SETD2: variants seen among roughly 807,000 people sequenced by gnomAD.
SETD2 encodes the protein histone-lysine N-methyltransferase SETD2.
In SETD2, 31 loss-of-function variants were observed where a neutral mutation model predicts 242.1. That is an observed-to-expected ratio of 0.13 (90% CI 0.10 to 0.17). SETD2 has a LOEUF of 0.17. Among genes scored for constraint, SETD2 ranks in the 10% least tolerant of loss-of-function variants. The pLI, the probability that SETD2 is intolerant of heterozygous loss-of-function variation, is 1.00. For synonymous variants in SETD2, 1,006 were observed against 1,066.5 expected, an observed-to-expected ratio of 0.94 and a Z score of 1.11; for missense variants, 2,481 against 3,046.3, an observed-to-expected ratio of 0.81 and a Z score of 4.37.
At chr3:47,098,182 A>G in intron 8 of SETD2, 101 bp from the exon 9 acceptor site, 1 of 1,186,760 alleles carries the variant, frequency 8.4e-7, no homozygotes. Context: ...ACAAAATCAA[A>G]CAAACAAAAA....
chr3:47,092,730 G>C (rs1404445619), intron 9 of SETD2, among the ~76,000 whole-genome samples: 1 of 151,888 alleles, frequency 6.6e-6, no homozygotes, highest in Non-Finnish European at 1.5e-5. Flanking sequence ...ACAGTATGCA[G>C]AATACACATA....
intron 15 of SETD2, among the ~76,000 whole-genome samples, chr3:47,053,471 T>C (rs77404283): frequency 3.7e-4 from 57 of 152,298 alleles, no homozygotes; most frequent in Admixed American, 1.1e-3. Flanking sequence ...TGAGAGTAAG[T>C]CACTTATTAG....
At chr3:47,119,500 A>G (rs532669761) in intron 3 of SETD2, 1 of 167,862 alleles carries the variant, frequency 6.0e-6, no homozygotes, top group Non-Finnish European at 1.3e-5. Context: ...TGAGGAGGTA[A>G]CTGAATCATG....
At chr3:47,096,560 A>G in intron 9 of SETD2, among the ~76,000 whole-genome samples, 1 of 136,632 alleles carries the variant, frequency 7.3e-6, no homozygotes, top group Non-Finnish European at 1.5e-5. Flanking sequence ...CAACAGAATG[A>G]GATTTTGCCT....
intron 9 of SETD2, among the ~76,000 whole-genome samples, chr3:47,096,598 G>T (rs1362922458): frequency 9.6e-5 from 2 of 20,852 alleles, no homozygotes; most frequent in South Asian, 2.5e-3. Context: ...AAAAAAAAAG[G>T]GGGGCTGGGC....
At chr3:47,086,116 A>T in intron 11 of SETD2, 79 bp downstream of exon 11, 1 of 1,476,448 alleles carries the variant, frequency 6.8e-7, no homozygotes, top group Non-Finnish European at 9.4e-7. Flanking sequence ...ATTCATAATT[A>T]CTGATATTAT....
At chr3:47,126,707 A>C in intron 1 of SETD2, 44 bp from the exon 2 acceptor site, 2 of 1,121,930 alleles carry the variant, frequency 1.8e-6, no homozygotes, top group Non-Finnish European at 2.6e-6. Flanking sequence ...AATAAAAAGA[A>C]ATCATAAATA....
intron 13 of SETD2, among the ~76,000 whole-genome samples, chr3:47,062,676 C>T (rs1048115787): frequency 1.4e-4 from 21 of 152,202 alleles, no homozygotes; most frequent in African/African-American, 5.1e-4. Context: ...AGGCAGTTTA[C>T]TTGCCAGTTC....
In SETD2 at chr3:47,120,599, C is replaced by G. The variant is rs780288575; in HGVS notation, c.4037G>C (p.Gly1346Ala). The change falls in exon 3 of 21, where the codon GGA (glycine) becomes GCA (alanine). Residue 1346 changes from glycine to alanine, a missense_variant. By Grantham distance (60) the Gly-to-Ala change is moderately conservative (BLOSUM62 0). Around this residue, in one of 17 missense-constraint regions of SETD2, gnomAD observed 1,300 missense variants for 1,259.2 expected, o/e 1.03. Transcript: ENST00000409792. ...ATCGGACTGGTCTGAAAAATGGGAT[C>G]CATCCTGTTGATCCCAATTCTCCTC... ...EEEENWDQQD[G>A]SHFSDQSDKF... 1.9e-6 allele frequency: 3 copies of G among 1,614,054 alleles called. No individual in the cohort carries two copies. In the South Asian group the frequency reaches 3.3e-5, roughly 18 times the overall value.
chr3:47,160,482 GTAT>G, intron 1 of SETD2, among the ~76,000 whole-genome samples: 1 of 130,132 alleles, frequency 7.7e-6, no homozygotes, highest in South Asian at 2.3e-4. Context: ...TTTTTTTTTT[GTAT>G]TTTTAGTAGA....
intron 1 of SETD2, among the ~76,000 whole-genome samples, chr3:47,135,561 C>T (rs957364084): frequency 1.3e-5 from 2 of 152,216 alleles, no homozygotes; most frequent in African/African-American, 4.8e-5. Flanking sequence ...CAGGCATGAG[C>T]CAGTACAGGC....
chr3:47,095,812 G>A (rs1030135193), intron 9 of SETD2, among the ~76,000 whole-genome samples: 25 of 145,746 alleles, frequency 1.7e-4, no homozygotes. Context: ...GAAAAAAAAA[G>A]AAAAAAATTA....
chr3:47,133,089 A>G (rs1358699186), intron 1 of SETD2, among the ~76,000 whole-genome samples: 1 of 152,242 alleles, frequency 6.6e-6, no homozygotes, highest in Non-Finnish European at 1.5e-5. Flanking sequence ...CCAGCATTCC[A>G]GGAAAAAAGT....
intron 15 of SETD2, among the ~76,000 whole-genome samples, chr3:47,053,463 AGAGT>A (rs1167283314): frequency 1.3e-5 from 2 of 151,942 alleles, no homozygotes; most frequent in African/African-American, 4.8e-5. Flanking sequence ...TAACTTTGTG[AGAGT>A]AAGTCACTTA....
intron 18 of SETD2, among the ~76,000 whole-genome samples, chr3:47,034,738 C>T (rs1175416991): frequency 2.6e-5 from 4 of 152,108 alleles, no homozygotes; most frequent in African/African-American, 4.8e-5. Context: ...CATATAATAC[C>T]GTACATTTTC....
intron 1 of SETD2, among the ~76,000 whole-genome samples, chr3:47,137,278 C>T (rs2043609388): frequency 6.6e-6 from 1 of 151,834 alleles, no homozygotes. Flanking sequence ...CTGCAAACTC[C>T]ACTTCCTGGG....
intron 14 of SETD2, among the ~76,000 whole-genome samples, chr3:47,058,855 C>T (rs1310771007): frequency 3.3e-5 from 5 of 151,188 alleles, no homozygotes; most frequent in African/African-American, 7.3e-5. Context: ...AGTGCAGTGG[C>T]GCGATCTCTG....
chr3:47,017,756 G>T lies in SETD2; in HGVS notation c.7432-17C>A, dbSNP rs761407890. On this transcript the variant is annotated splice_polypyrimidine_tract_variant and intron_variant, in intron 19 of 20. Transcript: ENST00000409792. The surrounding 1 kb of genome is among the most constrained non-coding windows in gnomAD (Gnocchi z 4.8). ...CTGGGACATCTGCAGGCAGAGAAAA[G>T]AGAACACGTTGCTCAACAGTCCAGA... 7 of 1,582,344 alleles carry T rather than the reference G, an allele frequency of 4.4e-6. No individual in the cohort carries two copies. Among genetic ancestry groups the T allele is most frequent in the Non-Finnish European group, 6.1e-6 (7 of 1,151,046 alleles).
chr3:47,039,728 A>C (rs1223108965), intron 17 of SETD2, among the ~76,000 whole-genome samples: 2 of 148,552 alleles, frequency 1.3e-5, no homozygotes, highest in African/African-American at 4.9e-5. Context: ...AAAAAAAAAA[A>C]AAATTAGTTG....
Sources: allele counts gnomAD v4.1 joint callset (sites outside exome capture counted in the v4.1 genomes callset), GRCh38; gene constraint gnomAD v4.1.1; regional missense constraint gnomAD v4.1.1; non-coding constraint Gnocchi (gnomAD v3.1); transcripts MANE v1.5; gene names NCBI Gene and HGNC (gene_info 2026-07-23, HGNC 2026-07-21).